NNMT: variants seen among roughly 807,000 people sequenced by gnomAD.
The protein encoded by NNMT is nicotinamide N-methyltransferase.
A neutral mutation model predicts 11.7 loss-of-function variants in NNMT; 10 were observed. That is an observed-to-expected ratio of 0.85 (90% CI 0.53 to 1.45). NNMT has a LOEUF of 1.45. Among genes scored for constraint, NNMT ranks in the 40% most tolerant of loss-of-function variants. The probability of loss-of-function intolerance (pLI) is 0.00; values close to 1 mark genes in which losing one functional copy is unlikely to be tolerated. For synonymous variants in NNMT, 143 were observed against 133.8 expected, an observed-to-expected ratio of 1.07 and a Z score of -0.48; for missense variants, 381 against 319.4, an observed-to-expected ratio of 1.19 and a Z score of -1.47.
chr11:114,277,453 A>C (rs1220312360), intron 2 of NNMT, among the ~76,000 whole-genome samples: 1 of 152,190 alleles, frequency 6.6e-6, no homozygotes, highest in East Asian at 1.9e-4. Flanking sequence ...ATCCAACACA[A>C]ACCATCTAAC....
At chr11:114,288,277 T>A (rs1196014059) in intron 2 of NNMT, among the ~76,000 whole-genome samples, 1 of 152,204 alleles carries the variant, frequency 6.6e-6, no homozygotes, top group Admixed American at 6.5e-5. Context: ...AACATTTTTG[T>A]CTCTGTTCAA....
At chr11:114,297,481 A>AT (rs34396568) in intron 1 of NNMT, 122,996 of 137,310 alleles carry the variant, frequency 0.9, 55,358 homozygotes, top group South Asian at 0.95. Context: ...AAAATATGGG[A>AT]TTTTTTTTTT....
At chr11:114,275,386 C>T (rs1242768614) in intron 2 of NNMT, among the ~76,000 whole-genome samples, 1 of 152,232 alleles carries the variant, frequency 6.6e-6, no homozygotes, top group Non-Finnish European at 1.5e-5. Context: ...GGCAGACTTT[C>T]CATTTCCCTT....
At chr11:114,306,763 A>G (rs1048870587) in intron 2 of NNMT, among the ~76,000 whole-genome samples, 2 of 152,156 alleles carry the variant, frequency 1.3e-5, no homozygotes, top group Non-Finnish European at 2.9e-5. Flanking sequence ...CTTGTAGTAC[A>G]GTTTGAAGTC....
intron 2 of NNMT, among the ~76,000 whole-genome samples, chr11:114,288,594 T>C (rs1382382675): frequency 1.3e-5 from 2 of 152,158 alleles, no homozygotes; most frequent in Admixed American, 6.5e-5. Context: ...TGCTAGAAAA[T>C]TAGGCTCTTG....
In NNMT at chr11:114,296,697, G is replaced by A; in HGVS notation, c.141G>A (p.Lys47=). 1 of 1,614,158 alleles carries A rather than the reference G, an allele frequency of 6.2e-7. No individual in the cohort carries two copies. Among genetic ancestry groups the A allele is most frequent in the Non-Finnish European group, 8.5e-7 (1 of 1,180,006 alleles). ...ILKHLLKNLF[K]IFCLDGVKGD... is the part of the protein sequence containing the mutation. ...AGCACCTTCTGAAAAATCTTTTCAA[G>A]ATATTCTGCCTAGGTAAGTCTGTTG... is the stretch of plus-strand genomic sequence containing the variant. The change falls in exon 1 of 3, where the codon AAG becomes AAA. Residue 47 remains lysine (K), a synonymous_variant. Transcript: ENST00000299964.
chr11:114,275,482 C>A (rs528618489), intron 2 of NNMT, among the ~76,000 whole-genome samples: 7 of 152,302 alleles, frequency 4.6e-5, no homozygotes, highest in Middle Eastern at 3.4e-3. Flanking sequence ...AGACAGCCGG[C>A]AAGTGGAAAG....
chr11:114,276,480 T>C (rs1256158303), intron 2 of NNMT, among the ~76,000 whole-genome samples: 1 of 152,194 alleles, frequency 6.6e-6, no homozygotes, highest in Non-Finnish European at 1.5e-5. Context: ...TTCCTCTTCG[T>C]TTAGTCTGTT....
chr11:114,271,767 A>G (rs773212874), intron 2 of NNMT, among the ~76,000 whole-genome samples: 4 of 152,172 alleles, frequency 2.6e-5, no homozygotes, highest in Non-Finnish European at 5.9e-5. Context: ...ACTAAAACCC[A>G]ATGAAGACAT....
intron 2 of NNMT, among the ~76,000 whole-genome samples, chr11:114,280,596 G>T (rs557043616): frequency 6.6e-6 from 1 of 152,232 alleles, no homozygotes; most frequent in South Asian, 2.1e-4. Flanking sequence ...GACCTTCAGG[G>T]GAAGGTACAG....
chr11:114,310,390 A>T (rs1053847466), intron 2 of NNMT, among the ~76,000 whole-genome samples: 9 of 152,338 alleles, frequency 5.9e-5, no homozygotes, highest in African/African-American at 2.2e-4. Context: ...CTAATTGCTA[A>T]GCTCCTTAAA....
chr11:114,296,742 A>G, intron 1 of NNMT, 32 bp downstream of exon 1: 1 of 1,608,640 alleles, frequency 6.2e-7, no homozygotes, highest in Non-Finnish European at 8.5e-7. Context: ...CTCCCCACTA[A>G]TGTGAGTCAT....
At chr11:114,308,159 A>G (rs1473145293) in intron 2 of NNMT, among the ~76,000 whole-genome samples, 4 of 152,196 alleles carry the variant, frequency 2.6e-5, no homozygotes. Context: ...TTTTCCTCCT[A>G]GAATATCATT....
At chr11:114,273,148 A>G (rs1008453832) in intron 2 of NNMT, among the ~76,000 whole-genome samples, 2 of 152,172 alleles carry the variant, frequency 1.3e-5, no homozygotes, top group Non-Finnish European at 2.9e-5. Context: ...TAAAGAGATG[A>G]CTATTTCCTG....
intron 2 of NNMT, among the ~76,000 whole-genome samples, chr11:114,305,285 G>A (rs1188257062): frequency 1.3e-5 from 2 of 152,092 alleles, no homozygotes; most frequent in African/African-American, 4.8e-5. Context: ...TGGCCCTCTT[G>A]ACAGCAGGTG....
At chr11:114,276,808 GAGA>G (rs1271929550) in intron 2 of NNMT, among the ~76,000 whole-genome samples, 2 of 152,216 alleles carry the variant, frequency 1.3e-5, no homozygotes, top group African/African-American at 4.8e-5. Context: ...CCCATGAAAT[GAGA>G]AGAACAGAGG....
intron 2 of NNMT, among the ~76,000 whole-genome samples, chr11:114,306,179 C>T (rs1325699988): frequency 6.6e-6 from 1 of 152,132 alleles, no homozygotes; most frequent in Non-Finnish European, 1.5e-5. Flanking sequence ...ATCCTTTGCC[C>T]ACTTTTTGAT....
intron 1 of NNMT, among the ~76,000 whole-genome samples, chr11:114,258,810 A>T (rs1591822347): frequency 6.6e-6 from 1 of 151,436 alleles, no homozygotes; most frequent in South Asian, 2.1e-4. Flanking sequence ...GCCAACCCCT[A>T]CTCTGCTCCA....
intron 2 of NNMT, among the ~76,000 whole-genome samples, chr11:114,305,499 T>TC (rs1003321779): frequency 3.1e-5 from 3 of 97,366 alleles, no homozygotes; most frequent in Non-Finnish European, 6.3e-5. Context: ...CCATGCCCCC[T>TC]CCCCCCACCC....
Sources: allele counts gnomAD v4.1 joint callset (sites outside exome capture counted in the v4.1 genomes callset), GRCh38; gene constraint gnomAD v4.1.1; transcripts MANE v1.5; gene names NCBI Gene and HGNC (gene_info 2026-07-23, HGNC 2026-07-21).